The following PDZRN3 variants were observed in gnomAD, a reference collection of about 807,000 sequenced individuals.
PDZRN3 encodes PDZ domain containing ring finger 3.
PDZRN3 carries 38 observed loss-of-function variants against 85.7 expected under a neutral mutation model. That is an observed-to-expected ratio of 0.44 (90% CI 0.34 to 0.58). The LOEUF is 0.58. Ranked by LOEUF, PDZRN3 falls within the 20% of genes least tolerant of loss-of-function variation. PDZRN3 has a pLI of 0.01. For synonymous variants in PDZRN3, 759 were observed against 638.0 expected (o/e 1.19, Z -2.86); for missense variants, 1,629 against 1,506.4 (o/e 1.08, Z -1.35).
At chr3:73,622,540 G>A (rs1349357451) in intron 1 of PDZRN3, among the ~76,000 whole-genome samples, 1 of 152,220 alleles carries the variant, frequency 6.6e-6, no homozygotes, top group Non-Finnish European at 1.5e-5. Context: ...CTCAACCTGG[G>A]CGACTTTGCC....
chr3:73,580,651 C>T (rs1183145462), intron 3 of PDZRN3, among the ~76,000 whole-genome samples: 3 of 152,184 alleles, frequency 2.0e-5, no homozygotes, highest in Non-Finnish European at 4.4e-5. Flanking sequence ...TTTAGTGACT[C>T]AAGTAACAAC....
intron 2 of PDZRN3, 28 bp from the exon 3 acceptor site, chr3:73,602,489 G>A: frequency 9.2e-7 from 1 of 1,091,804 alleles, no homozygotes; most frequent in East Asian, 2.3e-5. Context: ...AAACATGCAT[G>A]AATGCTAGGC....
At chr3:73,415,327 T>A (rs927707740) in intron 3 of PDZRN3, among the ~76,000 whole-genome samples, 2 of 152,208 alleles carry the variant, frequency 1.3e-5, no homozygotes, top group African/African-American at 4.8e-5. Context: ...GTACAACTGA[T>A]GGGCTGCTGG....
At chr3:73,397,450 C>T (rs529567191) in intron 5 of PDZRN3, among the ~76,000 whole-genome samples, 1 of 152,188 alleles carries the variant, frequency 6.6e-6, no homozygotes, top group Non-Finnish European at 1.5e-5. Context: ...TGCGACTGTT[C>T]TAAGAAATCT....
chr3:73,384,243 G>A lies in PDZRN3; in HGVS notation c.2323C>T (p.Pro775Ser). ...GCCGCTCTCCTCAAGGAGTTGTCGG[G>A]GGAGATCTCCAGGGTGAGCGGGGTG... The part of the protein sequence containing the change: ...RSTPLTLEIS[P>S]DNSLRRAAEG... The change falls in exon 10 of 10, where the codon CCC becomes TCC. Residue 775 changes from proline to serine, a missense_variant. Pro to Ser is a moderately conservative substitution (Grantham distance 74, BLOSUM62 -1). Coordinates refer to ENST00000263666, the MANE Select transcript of PDZRN3 (RefSeq NM_015009.3). 2 of 1,613,510 alleles carry A rather than the reference G, an allele frequency of 1.2e-6. No homozygotes were observed. The highest frequency in any genetic ancestry group is 2.2e-5 in the East Asian group (1 of 44,838).
At chr3:73,531,925 G>A (rs1259020691) in intron 3 of PDZRN3, among the ~76,000 whole-genome samples, 1 of 152,230 alleles carries the variant, frequency 6.6e-6, no homozygotes, top group Non-Finnish European at 1.5e-5. Flanking sequence ...TCAGGGAGAG[G>A]AGAGTGTTGT....
intron 3 of PDZRN3, among the ~76,000 whole-genome samples, chr3:73,424,743 A>G (rs1702277713): frequency 6.6e-6 from 1 of 152,086 alleles, no homozygotes. Flanking sequence ...CACTTTACAC[A>G]CAAGGAAGAA....
At chr3:73,604,210 G>C (rs1401453325) in intron 2 of PDZRN3, among the ~76,000 whole-genome samples, 2 of 152,168 alleles carry the variant, frequency 1.3e-5, no homozygotes, top group East Asian at 1.9e-4. Context: ...GCCTTACTGA[G>C]GCACTAGTCT....
intron 1 of PDZRN3, among the ~76,000 whole-genome samples, chr3:73,615,655 G>GC (rs1702750286): frequency 6.6e-6 from 1 of 152,148 alleles, no homozygotes; most frequent in Non-Finnish European, 1.5e-5. Flanking sequence ...GAATCTGCTA[G>GC]CACCTTGATC....
intron 6 of PDZRN3, 148 bp from the exon 7 acceptor site, chr3:73,390,026 G>A (rs1036908097): frequency 1.5e-6 from 1 of 675,854 alleles, no homozygotes; most frequent in Non-Finnish European, 2.7e-6. Flanking sequence ...TGTCGTGCAA[G>A]GAGAGGCAAA....
intron 3 of PDZRN3, among the ~76,000 whole-genome samples, chr3:73,601,116 T>A (rs1289148425): frequency 6.6e-6 from 1 of 152,228 alleles, no homozygotes; most frequent in Non-Finnish European, 1.5e-5. Context: ...GAGATTTAAC[T>A]GTGTATTTTC....
chr3:73,431,944 T>C (rs1702439208), intron 3 of PDZRN3, among the ~76,000 whole-genome samples: 2 of 152,200 alleles, frequency 1.3e-5, no homozygotes, highest in African/African-American at 4.8e-5. Flanking sequence ...AGAGATGTAG[T>C]AGAGTTACTT....
chr3:73,507,565 G>A (rs1218258941), intron 3 of PDZRN3, among the ~76,000 whole-genome samples: 1 of 152,228 alleles, frequency 6.6e-6, no homozygotes, highest in East Asian at 1.9e-4. Context: ...CTCACTCTGA[G>A]CTTTCCAGTG....
intron 3 of PDZRN3, among the ~76,000 whole-genome samples, chr3:73,515,179 T>A (rs1441709169): frequency 6.9e-6 from 1 of 144,154 alleles, no homozygotes. Flanking sequence ...AGCCCTTTTT[T>A]TTTTTTTTTT....
chr3:73,595,843 GTA>G (rs1235408533), intron 3 of PDZRN3, among the ~76,000 whole-genome samples: 4 of 152,146 alleles, frequency 2.6e-5, no homozygotes, highest in Non-Finnish European at 4.4e-5. Context: ...AAAGACAGAT[GTA>G]TATGTTATTA....
chr3:73,414,705 T>A (rs1388137135), intron 3 of PDZRN3, among the ~76,000 whole-genome samples: 1 of 152,216 alleles, frequency 6.6e-6, no homozygotes, highest in Non-Finnish European at 1.5e-5. Flanking sequence ...GTTGATAGAA[T>A]GGGCTATTTT....
intron 3 of PDZRN3, among the ~76,000 whole-genome samples, chr3:73,579,374 T>C (rs1702166108): frequency 6.6e-6 from 1 of 152,150 alleles, no homozygotes; most frequent in Non-Finnish European, 1.5e-5. Flanking sequence ...AGATAAAAGG[T>C]AGTCCTACTC....
intron 3 of PDZRN3, chr3:73,474,545 A>G: frequency 7.8e-7 from 1 of 1,287,994 alleles, no homozygotes; most frequent in Non-Finnish European, 1.0e-6. Flanking sequence ...TCATTTAAAA[A>G]TTGACTCAGT....
At position 73,383,666 on chromosome 3, in the gene PDZRN3, A is replaced by G; in HGVS notation, c.2900T>C (p.Met967Thr). 6.2e-7 allele frequency: 1 copy of G among 1,611,950 alleles called. No homozygotes were observed. The highest frequency in any genetic ancestry group is 8.5e-7 in the Non-Finnish European group (1 of 1,179,858). ...CTTGCTCCAGTAGCGCCCCATCTTC[A>G]TCTCGCTCACCGCGTCGTCGTCGGT... ...MTTDDDAVSEMKMGRYWSKEE... is the reference protein window; with the variant it reads ...MTTDDDAVSETKMGRYWSKEE... The change falls in exon 10 of 10, where the codon ATG becomes ACG. Residue 967 changes from methionine (M) to threonine (T), a missense_variant. Physicochemically the swap from Met to Thr is moderately conservative, Grantham distance 81. Transcript: ENST00000263666.
Sources: allele counts gnomAD v4.1 joint callset (sites outside exome capture counted in the v4.1 genomes callset), GRCh38; gene constraint gnomAD v4.1.1; transcripts MANE v1.5; gene names NCBI Gene and HGNC (gene_info 2026-07-23, HGNC 2026-07-21).